Variants in DDR2 observed in about 807,000 individuals in gnomAD.
DDR2 encodes discoidin domain receptor tyrosine kinase 2.
In DDR2, 27 loss-of-function variants were observed where a neutral mutation model predicts 94.9. The observed-to-expected ratio is 0.28, with a 90% CI of 0.21 to 0.39. DDR2 has a LOEUF of 0.39. Among genes scored for constraint, DDR2 ranks in the 10% least tolerant of loss-of-function variants. The pLI is 1.00. For synonymous variants in DDR2, 382 were observed against 377.2 expected, an observed-to-expected ratio of 1.01 and a Z score of -0.15; for missense variants, 783 against 1,076.0, an observed-to-expected ratio of 0.73 and a Z score of 3.81.
intron 1 of DDR2, among the ~76,000 whole-genome samples, chr1:162,646,850 C>T (rs1041433963): frequency 6.6e-6 from 1 of 152,184 alleles, no homozygotes; most frequent in African/African-American, 2.4e-5. Flanking sequence ...TTAAAACAAC[C>T]TCCCTCAGGT....
rs1212751140 is a variant in DDR2, at chr1:162,728,124, C to CTGTAT, written c.82+8979_82+8980insTGTAT. ...ATATATATCTATATATAGATATAAT[C>CTGTAT]ACACTATATATATCTATATATAGAT... On this transcript the variant is annotated intron_variant, in intron 3 of 17. Coordinates refer to ENST00000367921, the MANE Select transcript of DDR2 (RefSeq NM_006182.4). 8.7e-4 allele frequency among the ~76,000 whole-genome samples: 118 copies of CTGTAT among 135,928 alleles called. 3 individuals are homozygous for CTGTAT. In the East Asian group the frequency reaches 0.01, roughly 12 times the overall value. 89.2% of individuals were successfully genotyped at this position (135,928 alleles called of 152,430 possible). A position where few individuals can be genotyped will look rare whatever the true frequency, so the allele number is the denominator to read the frequency against.
At chr1:162,735,915 G>C (rs1391388127) in intron 3 of DDR2, among the ~76,000 whole-genome samples, 1 of 152,192 alleles carries the variant, frequency 6.6e-6, no homozygotes, top group East Asian at 1.9e-4. Flanking sequence ...CCCTATTTCT[G>C]CTTTACTTTA....
chr1:162,719,308 AC>A, intron 3 of DDR2, 163 bp downstream of exon 3: 1 of 818,572 alleles, frequency 1.2e-6, no homozygotes, highest in Non-Finnish European at 1.5e-6. Context: ...AAATGAATAT[AC>A]TTTATATATA....
intron 2 of DDR2, among the ~76,000 whole-genome samples, chr1:162,694,235 TC>T (rs1042388090): frequency 6.6e-6 from 1 of 152,300 alleles, no homozygotes; most frequent in Admixed American, 6.5e-5. Flanking sequence ...CTAAAAGCCC[TC>T]CAGTGGCTCT....
intron 1 of DDR2, among the ~76,000 whole-genome samples, chr1:162,640,143 G>A (rs1657054012): frequency 6.6e-6 from 1 of 151,782 alleles, no homozygotes; most frequent in Non-Finnish European, 1.5e-5. Flanking sequence ...CTGGGTTCAA[G>A]CGATTTTCCT....
intron 9 of DDR2, among the ~76,000 whole-genome samples, chr1:162,763,954 C>T (rs796604740): frequency 2.0e-5 from 3 of 152,292 alleles, no homozygotes; most frequent in Admixed American, 6.5e-5. Flanking sequence ...AATATTATTA[C>T]TAGCAACGTA....
At chr1:162,744,943 T>C (rs1465418807) in intron 3 of DDR2, among the ~76,000 whole-genome samples, 1 of 152,236 alleles carries the variant, frequency 6.6e-6, no homozygotes, top group Non-Finnish European at 1.5e-5. Context: ...TGCATCATTT[T>C]ACATTCCCAC....
chr1:162,711,395 C>T (rs16843792), intron 2 of DDR2, among the ~76,000 whole-genome samples: 5,738 of 152,244 alleles, frequency 0.038, 174 homozygotes, highest in East Asian at 0.15. Flanking sequence ...AATCCTTTTG[C>T]GAAGAACTAT....
At chr1:162,762,922 C>T (rs555125528) in intron 9 of DDR2, among the ~76,000 whole-genome samples, 10 of 152,224 alleles carry the variant, frequency 6.6e-5, no homozygotes, top group South Asian at 6.2e-4. Context: ...CTGCAACCCC[C>T]GCCTCCCGGG....
chr1:162,770,428 A>T lies in DDR2; in HGVS notation c.1420A>T (p.Ile474Phe). Residue 474 changes from isoleucine to phenylalanine, a missense_variant, in exon 12 of 18, where the codon ATC becomes TTC. By Grantham distance (21) the Ile-to-Phe change is conservative. Coordinates refer to ENST00000367921, the MANE Select transcript of DDR2 (RefSeq NM_006182.4). ...EQGSNSTYDR[I>F]FPLRPDYQEP... Reference sequence around the variant, plus strand: ...AGGGTCCAACTCGACTTACGATCGCATCTTTCCCCTTCGCCCTGACTACCA... The same window carrying T: ...AGGGTCCAACTCGACTTACGATCGCTTCTTTCCCCTTCGCCCTGACTACCA... The T allele has an allele frequency of 6.2e-7, 1 of 1,614,104 alleles. No homozygotes were observed. The highest frequency in any genetic ancestry group is 1.3e-5 in the African/African-American group (1 of 75,016).
intron 2 of DDR2, among the ~76,000 whole-genome samples, chr1:162,709,883 A>G (rs1660819912): frequency 6.6e-6 from 1 of 152,184 alleles, no homozygotes; most frequent in Non-Finnish European, 1.5e-5. Context: ...CTGGATGATA[A>G]CACTTCTAAA....
At chr1:162,743,340 G>A (rs939721065) in intron 3 of DDR2, among the ~76,000 whole-genome samples, 1 of 152,086 alleles carries the variant, frequency 6.6e-6, no homozygotes, top group African/African-American at 2.4e-5. Context: ...TCTGTGCCAA[G>A]CCTGGGCATT....
rs544594419 is a variant in DDR2, at chr1:162,780,536, A to G, written c.*290A>G. The G allele has an allele frequency of 8.4e-5, 31 of 369,770 alleles. No homozygotes were observed. Among genetic ancestry groups the G allele is most frequent in the Non-Finnish European group, 1.5e-4 (31 of 202,654 alleles). The allele number at this position is 369,770 out of a possible 1,614,324, so 22.9% of individuals were successfully genotyped here. ...AAAGTGTTGGATAACAAAGGCTAGA[A>G]AATTCAGATAATTTATAAAGGTTAA... On this transcript the variant is annotated 3_prime_UTR_variant, in exon 18 of 18. Transcript: ENST00000367921.
chr1:162,751,761 T>C (rs984490892), intron 3 of DDR2, among the ~76,000 whole-genome samples: 1 of 152,230 alleles, frequency 6.6e-6, no homozygotes, highest in Admixed American at 6.5e-5. Flanking sequence ...TGTCCATCAA[T>C]GATAGACTGG....
intron 2 of DDR2, among the ~76,000 whole-genome samples, chr1:162,707,211 G>A (rs1660702563): frequency 6.6e-6 from 1 of 152,092 alleles, no homozygotes; most frequent in African/African-American, 2.4e-5. Flanking sequence ...GAAAAAAAGG[G>A]GTAGATTAAG....
chr1:162,707,315 T>A (rs1261179673), intron 2 of DDR2, among the ~76,000 whole-genome samples: 1 of 152,240 alleles, frequency 6.6e-6, no homozygotes, highest in African/African-American at 2.4e-5. Context: ...GGTCTACAGC[T>A]GTCAGGGATT....
chr1:162,701,240 C>T (rs1282624088), intron 2 of DDR2, among the ~76,000 whole-genome samples: 1 of 152,248 alleles, frequency 6.6e-6, no homozygotes, highest in African/African-American at 2.4e-5. Flanking sequence ...CCAGACCTGA[C>T]TTCTGAAGCT....
At chr1:162,642,063 T>C (rs532152169) in intron 1 of DDR2, among the ~76,000 whole-genome samples, 2 of 152,130 alleles carry the variant, frequency 1.3e-5, no homozygotes, top group Admixed American at 1.3e-4. Flanking sequence ...CCATTCTCCA[T>C]CCTCCTGCCT....
At chr1:162,756,750 T>C (rs1663482264) in intron 7 of DDR2, among the ~76,000 whole-genome samples, 1 of 152,192 alleles carries the variant, frequency 6.6e-6, no homozygotes, top group South Asian at 2.1e-4. Context: ...ATTCATCCAC[T>C]CTTCTACTCC....
Sources: allele counts gnomAD v4.1 joint callset (sites outside exome capture counted in the v4.1 genomes callset), GRCh38; gene constraint gnomAD v4.1.1; transcripts MANE v1.5; gene names NCBI Gene and HGNC (gene_info 2026-07-23, HGNC 2026-07-21).